The following BSN variants were observed in gnomAD, a reference collection of about 807,000 sequenced individuals.
The protein encoded by BSN is bassoon presynaptic cytomatrix protein, also known as protein bassoon.
A neutral mutation model predicts 264.8 loss-of-function variants in BSN; 57 were observed. The observed-to-expected ratio is 0.22, with a 90% confidence interval of 0.17 to 0.27. The LOEUF (loss-of-function observed/expected upper bound fraction) is 0.27. BSN is among the 10% of genes least tolerant of loss of function. BSN has a pLI of 1.00. For synonymous variants in BSN, 2,059 were observed against 2,137.3 expected (o/e 0.96, Z 1.01); for missense variants, 4,615 against 5,232.5 (o/e 0.88, Z 3.64).
At chr3:49,645,881 G>T (rs2052500884) in intron 3 of BSN, among the ~76,000 whole-genome samples, 1 of 152,200 alleles carries the variant, frequency 6.6e-6, no homozygotes, top group Admixed American at 6.5e-5. Flanking sequence ...GTCTGCCATG[G>T]CTGTCTCTCT....
At chr3:49,623,129 C>T (rs2052317638) in intron 1 of BSN, among the ~76,000 whole-genome samples, 1 of 152,162 alleles carries the variant, frequency 6.6e-6, no homozygotes, top group Admixed American at 6.5e-5. Flanking sequence ...CCTGAAATGG[C>T]TTGTTCTAAG....
chr3:49,593,541 T>G (rs1489219841), intron 1 of BSN, among the ~76,000 whole-genome samples: 1 of 152,220 alleles, frequency 6.6e-6, no homozygotes, highest in Non-Finnish European at 1.5e-5. Context: ...TCAGTCTCTC[T>G]GCATCTTTGT....
intron 3 of BSN, among the ~76,000 whole-genome samples, chr3:49,644,955 G>A (rs752941323): frequency 2.0e-5 from 3 of 152,204 alleles, no homozygotes; most frequent in East Asian, 1.9e-4. Flanking sequence ...TAGATGAAAC[G>A]TCTGGATTCT....
chr3:49,562,885 G>A (rs746248699), intron 1 of BSN, among the ~76,000 whole-genome samples: 11 of 152,140 alleles, frequency 7.2e-5, no homozygotes, highest in Non-Finnish European at 1.5e-4. Flanking sequence ...AATCAATCCT[G>A]GCATTGCCTA....
chr3:49,663,709 C>G lies in BSN; in HGVS notation c.11508+43C>G, dbSNP rs772435165. 43 of 1,606,202 alleles carry G rather than the reference C, an allele frequency of 2.7e-5. No homozygotes were observed. The South Asian group carries it at 4.4e-4, about 17-fold the overall frequency. ...GCATGGGTTGTAACCAGGGAAGATG[C>G]TATGAATGAAGCTTGGACATCCCCT... is the stretch of plus-strand genomic sequence containing the variant. On this transcript the variant is annotated intron_variant, in intron 7 of 11. Coordinates refer to ENST00000296452, the MANE Select transcript of BSN (RefSeq NM_003458.4).
At chr3:49,559,224 G>T (rs1427285530) in intron 1 of BSN, among the ~76,000 whole-genome samples, 1 of 152,134 alleles carries the variant, frequency 6.6e-6, no homozygotes, top group Non-Finnish European at 1.5e-5. Flanking sequence ...ACTGTGCCTG[G>T]CCGAGAAATG....
At chr3:49,605,610 A>ATAATATATAT (rs2052122228) in intron 1 of BSN, among the ~76,000 whole-genome samples, 3 of 29,354 alleles carry the variant, frequency 1.0e-4, no homozygotes, top group South Asian at 1.4e-3. Context: ...TATATTATAT[A>ATAATATATAT]TTATATATAA....
At chr3:49,600,457 C>T (rs944423427) in intron 1 of BSN, among the ~76,000 whole-genome samples, 2 of 152,096 alleles carry the variant, frequency 1.3e-5, no homozygotes, top group African/African-American at 4.8e-5. Context: ...CAGGCTAAAG[C>T]ATTTAGACTT....
intron 2 of BSN, among the ~76,000 whole-genome samples, chr3:49,627,956 T>G (rs1477583403): frequency 1.3e-5 from 2 of 152,170 alleles, no homozygotes; most frequent in African/African-American, 4.8e-5. Flanking sequence ...GAGCTGCTAG[T>G]GTAGTCACGC....
At chr3:49,664,669 C>T in intron 9 of BSN, 115 bp downstream of exon 9, 1 of 1,538,178 alleles carries the variant, frequency 6.5e-7, no homozygotes, top group Non-Finnish European at 8.8e-7. Flanking sequence ...AGCCCACCTG[C>T]TGATGCCCAG....
Position 49,652,692 on chromosome 3 carries a change from C to T in BSN, c.3136C>T (p.Leu1046=). ...CGAGGACTCCTCAGAGGAGGAGGAG[C>T]TGCGGGAGGAAGAGGAGCTGCTTCG... ...TIEDSSEEEE[L]REEEELLREQ... Residue 1046 remains leucine, a synonymous_variant, in exon 5 of 12, where the codon CTG becomes TTG. Coordinates refer to ENST00000296452, the MANE Select transcript of BSN (RefSeq NM_003458.4). 6.3e-7 allele frequency: 1 copy of T among 1,578,440 alleles called. No homozygotes were observed.
chr3:49,605,897 T>TATCTATTTATATATA (rs1491451068), intron 1 of BSN, among the ~76,000 whole-genome samples: 14 of 52,254 alleles, frequency 2.7e-4, no homozygotes, highest in South Asian at 1.1e-3. Context: ...AATATATTTA[T>TATCTATTTATATATA]GTCTATATAA....
chr3:49,586,326 C>CTCTATCTATCTATCTATCTA (rs59036596), intron 1 of BSN, among the ~76,000 whole-genome samples: 135 of 149,614 alleles, frequency 9.0e-4, no homozygotes, highest in African/African-American at 1.2e-3. Flanking sequence ...GTTTTCCCAG[C>CTCTATCTATCTATCTATCTA]TCTATCTATC....
chr3:49,605,391 TTTATATATTTA>T (rs1335435362), intron 1 of BSN, among the ~76,000 whole-genome samples: 41 of 58,624 alleles, frequency 7.0e-4, no homozygotes, highest in African/African-American at 2.5e-3. Flanking sequence ...AAATATATAT[TTTATATATTTA>T]TATAATTTAT....
At chr3:49,570,352 C>T (rs1006945592) in intron 1 of BSN, among the ~76,000 whole-genome samples, 5 of 152,182 alleles carry the variant, frequency 3.3e-5, no homozygotes, top group African/African-American at 4.8e-5. Context: ...CCAACAGACC[C>T]GGTTTGCCAC....
At chr3:49,621,762 G>A (rs973554066) in intron 1 of BSN, among the ~76,000 whole-genome samples, 1 of 152,084 alleles carries the variant, frequency 6.6e-6, no homozygotes, top group Non-Finnish European at 1.5e-5. Flanking sequence ...CTGTCACTCA[G>A]GCTGGAGCAC....
chr3:49,635,972 A>G (rs992667423), intron 2 of BSN, among the ~76,000 whole-genome samples: 1 of 142,468 alleles, frequency 7.0e-6, no homozygotes, highest in East Asian at 2.0e-4. Context: ...GTCCCCCTCC[A>G]AAAAAAAAAA....
rs1287311802 is a variant in BSN, at chr3:49,670,565, C to G, written c.*3080C>G. On this transcript the variant is annotated 3_prime_UTR_variant, in exon 12 of 12. Transcript: ENST00000296452. ...CCCTTGCATGGATGCAGTTGTGACT[C>G]TGGGGACAATGCAGCCAGAAGCTGA... 2 of 152,282 alleles carry G rather than the reference C, an allele frequency of 1.3e-5. No individual in the cohort carries two copies. The highest frequency in any genetic ancestry group is 2.4e-5 in the African/African-American group (1 of 41,460). 9.4% of individuals were successfully genotyped at this position (152,282 alleles called of 1,614,324 possible). A position where few individuals can be genotyped will look rare whatever the true frequency, so the allele number is the denominator to read the frequency against.
intron 1 of BSN, among the ~76,000 whole-genome samples, chr3:49,607,597 A>G (rs1438280764): frequency 1.3e-5 from 2 of 152,266 alleles, no homozygotes; most frequent in Non-Finnish European, 2.9e-5. Flanking sequence ...GCACGTGTGC[A>G]CACAGTAGTT....
Sources: allele counts gnomAD v4.1 joint callset (sites outside exome capture counted in the v4.1 genomes callset), GRCh38; gene constraint gnomAD v4.1.1; transcripts MANE v1.5; gene names NCBI Gene and HGNC (gene_info 2026-07-23, HGNC 2026-07-21).